Variants in PTPRG observed in about 807,000 individuals in gnomAD.
The protein encoded by PTPRG is protein tyrosine phosphatase receptor type G.
Under a neutral mutation model 165.3 loss-of-function variants are expected in PTPRG, and 102 were observed. The ratio of observed to expected loss-of-function variants is 0.62; its 90% CI spans 0.53 to 0.73. The LOEUF is 0.73. Ranked by LOEUF, PTPRG falls within the 30% of genes least tolerant of loss-of-function variation. PTPRG has a pLI of 0.00. For synonymous variants in PTPRG, 675 were observed against 669.5 expected (o/e 1.01, Z -0.13); for missense variants, 1,866 against 1,861.4 (o/e 1.00, Z -0.05).
chr3:61,967,133 C>T (rs1040936064), intron 2 of PTPRG, among the ~76,000 whole-genome samples: 1 of 152,140 alleles, frequency 6.6e-6, no homozygotes, highest in Non-Finnish European at 1.5e-5. Context: ...CACTTCTGCT[C>T]AAGTTTGAAA....
intron 2 of PTPRG, among the ~76,000 whole-genome samples, chr3:61,908,851 C>T (rs1447798274): frequency 2.0e-5 from 3 of 152,162 alleles, no homozygotes; most frequent in Non-Finnish European, 4.4e-5. Flanking sequence ...GTAAGAGTCT[C>T]CAGTTCCCGA....
At chr3:62,251,898 C>T (rs1701426972) in intron 15 of PTPRG, among the ~76,000 whole-genome samples, 1 of 151,982 alleles carries the variant, frequency 6.6e-6, no homozygotes, top group Non-Finnish European at 1.5e-5. Context: ...AACCATGTTC[C>T]CTTCATCTGG....
rs928900697 is a variant in PTPRG at position 61,880,611 on chromosome 3, G to A, written c.191-109014G>A. 8.8e-4 allele frequency among the ~76,000 whole-genome samples: 101 copies of A among 114,170 alleles called. 1 individual carries two copies. Among genetic ancestry groups the A allele is most frequent in the Middle Eastern group, 8.3e-3 (1 of 120 alleles). The allele number at this position is 114,170 out of a possible 152,430, so 74.9% of individuals were successfully genotyped here. The stretch of plus-strand genomic sequence containing the variant: ...TGCACCTCAGCTTGGGTGACAACGC[G>A]AACCCTGTCTCAAAAAAAAAAAAAA... On this transcript the variant is annotated intron_variant, in intron 2 of 29. Coordinates refer to ENST00000474889, the MANE Select transcript of PTPRG (RefSeq NM_002841.4).
chr3:61,735,556 C>A (rs1391367759), intron 1 of PTPRG, among the ~76,000 whole-genome samples: 1 of 150,218 alleles, frequency 6.7e-6, no homozygotes, highest in Non-Finnish European at 1.5e-5. Flanking sequence ...CTTTGAAATG[C>A]CGGGGACAGG....
Position 61,820,054 on chromosome 3 carries a change from C to T in PTPRG, c.190+71072C>T, listed in dbSNP as rs147808470. Among the ~76,000 whole-genome samples, 123 of 152,126 alleles carry T rather than the reference C, an allele frequency of 8.1e-4. 2 individuals are homozygous for T. The highest frequency in any genetic ancestry group is 1.4e-3 in the Non-Finnish European group (95 of 67,988). On this transcript the variant is annotated intron_variant, in intron 2 of 29. Coordinates refer to ENST00000474889, the MANE Select transcript of PTPRG (RefSeq NM_002841.4). ...AAAAAGGGTTTGAGTCATCAGTAAG[C>T]GAACATAGGATGTTGAATCACTCAT...
At chr3:62,128,411 C>T (rs975969341) in intron 5 of PTPRG, among the ~76,000 whole-genome samples, 5 of 152,022 alleles carry the variant, frequency 3.3e-5, no homozygotes, top group Admixed American at 6.5e-5. Flanking sequence ...TCAAGTAAAA[C>T]ATAAATTTGG....
At chr3:62,135,747 C>T (rs1176804197) in intron 6 of PTPRG, among the ~76,000 whole-genome samples, 1 of 152,032 alleles carries the variant, frequency 6.6e-6, no homozygotes, top group Non-Finnish European at 1.5e-5. Flanking sequence ...GTGGGGAGAG[C>T]GTTTGGGCCA....
At chr3:61,882,078 A>G (rs183214091) in intron 2 of PTPRG, among the ~76,000 whole-genome samples, 12 of 152,346 alleles carry the variant, frequency 7.9e-5, no homozygotes, top group Admixed American at 7.2e-4. Flanking sequence ...TACAACTGAC[A>G]GTATACCCCC....
At position 62,191,534 on chromosome 3, in the gene PTPRG, T is replaced by C; in HGVS notation, c.1099T>C (p.Trp367Arg). ...PLNQTALQVS[W>R]SQPETIYHPP... ...GAACCAGACGGCACTGCAGGTGTCC[T>C]GGAGCCAGCCGGAGACTATCTACCA... The change falls in exon 9 of 30, where the codon TGG becomes CGG. Residue 367 changes from tryptophan (W) to arginine (R), a missense_variant. Trp to Arg is a moderately radical substitution (Grantham distance 101). Around this residue, in one of 3 missense-constraint regions of PTPRG, gnomAD observed 1,452 missense variants for 1,463.0 expected, o/e 0.99. Transcript: ENST00000474889. 1 of 1,614,182 alleles carries C rather than the reference T, an allele frequency of 6.2e-7. No homozygotes were observed. Among genetic ancestry groups the C allele is most frequent in the Non-Finnish European group, 8.5e-7 (1 of 1,180,018 alleles).
Position 62,293,314 on chromosome 3 carries a change from T to A in PTPRG, c.*7T>A. On this transcript the variant is annotated 3_prime_UTR_variant, in exon 30 of 30. Transcript: ENST00000474889. ...CATGGAGTCCCTAGTGTGACTGGAA[T>A]CCTGAAAGGGCACTTAATTTGTAAA... 6.5e-7 allele frequency: 1 copy of A among 1,547,556 alleles called. No individual in the cohort carries two copies. Among genetic ancestry groups the A allele is most frequent in the Non-Finnish European group, 8.7e-7 (1 of 1,154,458 alleles).
At position 62,245,743 on chromosome 3, in the gene PTPRG, G is replaced by T. The variant is rs1461844519; in HGVS notation, c.2467+1845G>T. Among the ~76,000 whole-genome samples, 1 of 152,094 alleles carries T rather than the reference G, an allele frequency of 6.6e-6. No individual in the cohort carries two copies. On this transcript the variant is annotated intron_variant, in intron 15 of 29. Transcript: ENST00000474889. This position sits in a 1 kb window ranked among gnomAD's most constrained non-coding sequence, Gnocchi z 4.2. ...CATTAAGCGAAACGTGTAAGCTGTTGCAACTTTCCTTCCCAAATCATGGTA... is the reference window on the plus strand; with the variant it reads ...CATTAAGCGAAACGTGTAAGCTGTTTCAACTTTCCTTCCCAAATCATGGTA...
chr3:62,052,950 G>A (rs1227948727), intron 4 of PTPRG, among the ~76,000 whole-genome samples: 5 of 152,100 alleles, frequency 3.3e-5, no homozygotes, highest in East Asian at 1.9e-4. Flanking sequence ...TAGAAAAGAC[G>A]GAGATACCCA....
At chr3:62,129,778 C>G (rs955638252) in intron 5 of PTPRG, among the ~76,000 whole-genome samples, 1 of 152,142 alleles carries the variant, frequency 6.6e-6, no homozygotes, top group Non-Finnish European at 1.5e-5. Context: ...AAAATATTCC[C>G]TCTCATTCAG....
chr3:62,278,777 G>A (rs778186957), intron 26 of PTPRG, among the ~76,000 whole-genome samples: 3 of 152,048 alleles, frequency 2.0e-5, no homozygotes, highest in Non-Finnish European at 4.4e-5. Flanking sequence ...AAAAGCTGGA[G>A]TGTAAATTTT....
intron 1 of PTPRG, among the ~76,000 whole-genome samples, chr3:61,702,023 G>A (rs2030992014): frequency 6.6e-6 from 1 of 152,198 alleles, no homozygotes; most frequent in South Asian, 2.1e-4. Flanking sequence ...CTGTTGCCCA[G>A]GCTGGAGTGC....
chr3:61,619,295 A>G (rs1365911820), intron 1 of PTPRG, among the ~76,000 whole-genome samples: 4 of 152,190 alleles, frequency 2.6e-5, no homozygotes, highest in Non-Finnish European at 5.9e-5. Flanking sequence ...GGAGTTCTAT[A>G]TACATACAAT....
At chr3:61,825,764 C>T (rs549458398) in intron 2 of PTPRG, among the ~76,000 whole-genome samples, 75 of 137,588 alleles carry the variant, frequency 5.5e-4, no homozygotes, top group African/African-American at 1.5e-3. Context: ...CCCTCCTCAT[C>T]CTCCTAAGTA....
chr3:61,714,657 A>G (rs1391298429), intron 1 of PTPRG, among the ~76,000 whole-genome samples: 2 of 152,174 alleles, frequency 1.3e-5, no homozygotes, highest in Non-Finnish European at 2.9e-5. Flanking sequence ...TTTACTTTCC[A>G]CAAAAGGATC....
intron 4 of PTPRG, among the ~76,000 whole-genome samples, chr3:62,021,857 C>CTTTTTTTTTTTTTTTTTT (rs398062374): frequency 1.0e-5 from 1 of 97,090 alleles, no homozygotes; most frequent in Non-Finnish European, 2.1e-5. Context: ...TTTTCCTTTT[C>CTTTTTTTTTTTTTTTTTT]TTTTTTTTTT....
Sources: gnomAD v4.1 joint callset for allele counts (sites outside exome capture counted in the v4.1 genomes callset) on GRCh38, gnomAD v4.1.1 for gene constraint, gnomAD v4.1.1 regional missense constraint, Gnocchi (gnomAD v3.1) non-coding constraint, MANE v1.5 for transcripts, NCBI Gene and HGNC (gene_info 2026-07-23, HGNC 2026-07-21) for gene names.